Variants in TBKBP1 observed in about 807,000 individuals in gnomAD.
TBKBP1 encodes the protein TBK1 binding protein 1, also known as TANK-binding kinase 1-binding protein 1.
A neutral mutation model predicts 69.9 loss-of-function variants in TBKBP1; 47 were observed. The observed-to-expected ratio is 0.67, with a 90% CI of 0.53 to 0.86. The LOEUF is 0.86. Ranked by LOEUF, TBKBP1 falls within the 40% of genes least tolerant of loss-of-function variation. The pLI is 0.00. For missense variants in TBKBP1, 831 were observed against 858.6 expected, an observed-to-expected ratio of 0.97 and a Z score of 0.40; for synonymous variants, 418 against 390.3, an observed-to-expected ratio of 1.07 and a Z score of -0.84.
At chr17:47,697,010 G>T (rs1310181033) in intron 3 of TBKBP1, 79 bp from the exon 4 acceptor site, 2 of 1,521,108 alleles carry the variant, frequency 1.3e-6, no homozygotes, top group East Asian at 4.8e-5. Flanking sequence ...GAGTGGGGGT[G>T]GGGAGGTGCA....
intron 7 of TBKBP1, among the ~76,000 whole-genome samples, chr17:47,704,403 C>T (rs541346432): frequency 6.6e-6 from 1 of 152,364 alleles, no homozygotes; most frequent in Admixed American, 6.5e-5. Flanking sequence ...GTTCCACGGC[C>T]CGGTGCCTGT....
At position 47,708,414 on chromosome 17, in the gene TBKBP1, A is replaced by T; in HGVS notation, c.893A>T (p.Tyr298Phe). The change falls in exon 8 of 10, where the codon TAC (tyrosine) becomes TTC (phenylalanine). Residue 298 changes from tyrosine to phenylalanine, a missense_variant. By Grantham distance (22) the Tyr-to-Phe change is conservative. Transcript: ENST00000578982. This position sits in a 1 kb window ranked among gnomAD's most constrained non-coding sequence, Gnocchi z 4.4. Reference sequence around the variant, plus strand: ...TTCAGGGTGAATTTGGCGCTGGCCTACACCGAGCTGACGGAGGAGCTGGGC... The same window carrying T: ...TTCAGGGTGAATTTGGCGCTGGCCTTCACCGAGCTGACGGAGGAGCTGGGC... ...GDDQVNLALAYTELTEELGRL... is the reference protein window; with the variant it reads ...GDDQVNLALAFTELTEELGRL... 1 of 1,613,900 alleles carries T rather than the reference A, an allele frequency of 6.2e-7. No individual in the cohort carries two copies. Among genetic ancestry groups the T allele is most frequent in the South Asian group, 1.1e-5 (1 of 91,078 alleles).
At chr17:47,697,003 TG>T in intron 3 of TBKBP1, 85 bp from the exon 4 acceptor site, 1 of 1,515,880 alleles carries the variant, frequency 6.6e-7, no homozygotes, top group Non-Finnish European at 8.9e-7. Flanking sequence ...GTGCTGGGAG[TG>T]GGGGTGGGGA....
intron 7 of TBKBP1, among the ~76,000 whole-genome samples, chr17:47,705,632 C>T (rs368499614): frequency 3.2e-4 from 48 of 152,318 alleles, no homozygotes; most frequent in African/African-American, 1.1e-3. Flanking sequence ...ATGTGTATTT[C>T]GGTGCACGTG....
chr17:47,700,289 C>CTTTTTTTTTTTTTTT (rs774797034), intron 7 of TBKBP1, among the ~76,000 whole-genome samples: 453 of 41,436 alleles, frequency 0.011, 56 homozygotes, highest in Middle Eastern at 0.03. Flanking sequence ...GCGCCCGGAC[C>CTTTTTTTTTTTTTTT]TTTTTTTTTT....
At chr17:47,701,467 C>T (rs1597961298) in intron 7 of TBKBP1, among the ~76,000 whole-genome samples, 1 of 152,174 alleles carries the variant, frequency 6.6e-6, no homozygotes, top group African/African-American at 2.4e-5. Flanking sequence ...AACCCAGTCC[C>T]CTCTTACCAG....
rs145407261 is a variant in TBKBP1, at chr17:47,701,354, G to GACACACAC, written c.872+1674_872+1681dup. 6.7e-4 allele frequency among the ~76,000 whole-genome samples: 96 copies of GACACACAC among 144,042 alleles called. 1 individual carries two copies. The highest frequency in any genetic ancestry group is 1.6e-3 in the African/African-American group (62 of 38,464). The allele number at this position is 144,042 out of a possible 152,430, so 94.5% of individuals were successfully genotyped here. ...GACCTGGAACACACAGACACACACA[G>GACACACAC]ACACACACACACACACACACACACT... On this transcript the variant is annotated intron_variant, in intron 7 of 9. Coordinates refer to ENST00000578982, the MANE Select transcript of TBKBP1 (RefSeq NM_001394755.1).
intron 7 of TBKBP1, among the ~76,000 whole-genome samples, chr17:47,701,529 G>A (rs2031505277): frequency 6.6e-6 from 1 of 152,190 alleles, no homozygotes. Context: ...GGACATTTTG[G>A]TGGGGCTGGA....
Position 47,710,842 on chromosome 17 carries a change from T to C in TBKBP1, c.*216T>C. The C allele has an allele frequency of 1.8e-6, 1 of 568,386 alleles. No individual in the cohort carries two copies. The highest frequency in any genetic ancestry group is 2.8e-5 in the South Asian group (1 of 35,268). 35.2% of individuals were successfully genotyped at this position (568,386 alleles called of 1,614,324 possible). A position where few individuals can be genotyped will look rare whatever the true frequency, so the allele number is the denominator to read the frequency against. On this transcript the variant is annotated 3_prime_UTR_variant, in exon 10 of 10. Transcript: ENST00000578982. ...AGGTCAGCCGAGGCTCCCCCCATGC[T>C]CCTGGTTTCTGCTTAGGAGGTGGGG...
At chr17:47,710,413 C>G in intron 9 of TBKBP1, 85 bp from the exon 10 acceptor site, 1 of 1,542,808 alleles carries the variant, frequency 6.5e-7, no homozygotes, top group Non-Finnish European at 8.8e-7. Flanking sequence ...CCTCCCTGCC[C>G]TGGGTCCTGG....
chr17:47,696,145 C>T lies in TBKBP1; in HGVS notation c.33C>T (p.Ile11=), dbSNP rs759104211. 7 of 1,613,064 alleles carry T rather than the reference C, an allele frequency of 4.3e-6. No individual in the cohort carries two copies. In the South Asian group the frequency reaches 7.7e-5, roughly 18 times the overall value. Residue 11 remains isoleucine (I), a synonymous_variant, in exon 2 of 10, where the codon ATC becomes ATT. Transcript: ENST00000578982. MESMFEDDIS[I]LTQEALGPSE... ...CCATGTTCGAGGACGACATCAGCAT[C>T]CTGACGCAGGAGGCCCTGGGGCCTA...
chr17:47,710,143 CAG>C (rs1329405065), intron 9 of TBKBP1, among the ~76,000 whole-genome samples: 7 of 152,216 alleles, frequency 4.6e-5, no homozygotes, highest in Admixed American at 4.6e-4. Flanking sequence ...CAAAGCCAGA[CAG>C]AAAATTATTT....
At position 47,708,383 on chromosome 17, in the gene TBKBP1, T is replaced by TCC. The variant is rs753922758; in HGVS notation, c.873-10_873-9insCC. On this transcript the variant is annotated splice_polypyrimidine_tract_variant and intron_variant, in intron 7 of 9. Coordinates refer to ENST00000578982, the MANE Select transcript of TBKBP1 (RefSeq NM_001394755.1). This position sits in a 1 kb window ranked among gnomAD's most constrained non-coding sequence, Gnocchi z 4.4. ...GCCCTTCTCGTCTTTCCCACTGCCC[T>TCC]CTGACTTCAGGGTGAATTTGGCGCT... is the stretch of plus-strand genomic sequence containing the variant. 2 of 1,613,594 alleles carry TCC rather than the reference T, an allele frequency of 1.2e-6. No individual in the cohort carries two copies. The highest frequency in any genetic ancestry group is 4.5e-5 in the East Asian group (2 of 44,882).
chr17:47,708,921 G>A lies in TBKBP1; in HGVS notation c.1188G>A (p.Pro396=). 2 of 1,318,384 alleles carry A rather than the reference G, an allele frequency of 1.5e-6. No individual in the cohort carries two copies. Among genetic ancestry groups the A allele is most frequent in the Non-Finnish European group, 1.9e-6 (2 of 1,030,644 alleles). The allele number at this position is 1,318,384 out of a possible 1,614,324, so 81.7% of individuals were successfully genotyped here. A position where few individuals can be genotyped will look rare whatever the true frequency, so the allele number is the denominator to read the frequency against. Residue 396 remains proline, a synonymous_variant, in exon 9 of 10, where the codon CCG becomes CCA. Transcript: ENST00000578982. The surrounding 1 kb of genome is among the most constrained non-coding windows in gnomAD (Gnocchi z 4.4). ...CACCCTCCTGCCCGTCGCCCGTCCC[G>A]CAGCGCCGCTCGCCGGTGCCGCCGT... ...PASPSCPSPV[P]QRRSPVPPSC... is the part of the protein sequence containing the mutation.
At chr17:47,699,237 T>C in intron 5 of TBKBP1, 83 bp from the exon 6 acceptor site, 1 of 1,381,674 alleles carries the variant, frequency 7.2e-7, no homozygotes, top group South Asian at 1.7e-5. Flanking sequence ...GGAGTCCCCA[T>C]GCTGCATCCT....
At chr17:47,707,738 TG>T (rs1196407966) in intron 7 of TBKBP1, among the ~76,000 whole-genome samples, 2 of 152,126 alleles carry the variant, frequency 1.3e-5, no homozygotes, top group Non-Finnish European at 2.9e-5. Flanking sequence ...GAGGCAGCTT[TG>T]AGGTCGAGCC....
intron 7 of TBKBP1, among the ~76,000 whole-genome samples, chr17:47,706,597 G>A (rs1034578674): frequency 3.9e-5 from 6 of 152,166 alleles, no homozygotes; most frequent in Admixed American, 6.5e-5. Context: ...CCCTCCCTAA[G>A]AAGAGGGCTG....
chr17:47,699,462 G>A lies in TBKBP1; in HGVS notation c.777G>A (p.Gly259=). 1.3e-6 allele frequency: 2 copies of A among 1,573,996 alleles called. No homozygotes were observed. Among genetic ancestry groups the A allele is most frequent in the Non-Finnish European group, 1.7e-6 (2 of 1,160,768 alleles). ...QLQAECERLQ[G]ELKQLQETRA... ...AGGCCGAGTGCGAGCGGCTGCAGGG[G>A]GAGCTGAAGCAGCTGCAGGAGACCC... The change falls in exon 6 of 10, where the codon GGG becomes GGA. Residue 259 remains glycine (G), a synonymous_variant. Coordinates refer to ENST00000578982, the MANE Select transcript of TBKBP1 (RefSeq NM_001394755.1).
At chr17:47,702,134 G>A (rs934413047) in intron 7 of TBKBP1, among the ~76,000 whole-genome samples, 67 of 152,260 alleles carry the variant, frequency 4.4e-4, no homozygotes, top group African/African-American at 1.4e-3. Context: ...GCTGCTTCCC[G>A]AGTGCTCCCT....
Sources: allele counts gnomAD v4.1 joint callset (sites outside exome capture counted in the v4.1 genomes callset), GRCh38; gene constraint gnomAD v4.1.1; non-coding constraint Gnocchi (gnomAD v3.1); transcripts MANE v1.5; gene names NCBI Gene and HGNC (gene_info 2026-07-23, HGNC 2026-07-21).